The following ODAD2 variants were observed in gnomAD, a reference collection of about 807,000 sequenced individuals.
The protein encoded by ODAD2 is outer dynein arm-docking complex subunit 2.
ODAD2 carries 89 observed loss-of-function variants against 106.8 expected under a neutral mutation model. The observed-to-expected ratio is 0.83, with a 90% confidence interval of 0.70 to 0.99. The LOEUF (loss-of-function observed/expected upper bound fraction) is 0.99, where lower values mean the gene tolerates loss of function less well. ODAD2 is among the 50% of genes least tolerant of loss of function. The pLI is 0.00. For missense variants in ODAD2, 1,168 were observed against 1,238.5 expected (o/e 0.94, Z 0.85); for synonymous variants, 404 against 436.2 (o/e 0.93, Z 0.92).
In ODAD2 at chr10:27,885,775, A is replaced by ATTTTAT. The variant is rs1172907329; in HGVS notation, c.2610+21887_2610+21888insATAAAA. On this transcript the variant is annotated intron_variant, in intron 17 of 19. Coordinates refer to ENST00000305242, the MANE Select transcript of ODAD2 (RefSeq NM_018076.5). The stretch of plus-strand genomic sequence containing the variant: ...AATATATATTTTATATATATTATAT[A>ATTTTAT]AAATATATATTATATATAATATATA... Among the ~76,000 whole-genome samples, 264 of 60,464 alleles carry ATTTTAT rather than the reference A, an allele frequency of 4.4e-3. 9 individuals carry two copies. The highest frequency in any genetic ancestry group is 0.017 in the African/African-American group (256 of 15,444). 39.7% of individuals were successfully genotyped at this position (60,464 alleles called of 152,430 possible).
chr10:27,902,987 C>T (rs1490620748), intron 17 of ODAD2, among the ~76,000 whole-genome samples: 1 of 151,968 alleles, frequency 6.6e-6, no homozygotes, highest in Non-Finnish European at 1.5e-5. Flanking sequence ...CTGGCAGAGA[C>T]ACAACAAAAA....
chr10:27,911,483 G>C (rs1844010256), intron 16 of ODAD2, among the ~76,000 whole-genome samples: 1 of 152,134 alleles, frequency 6.6e-6, no homozygotes, highest in Non-Finnish European at 1.5e-5. Context: ...CTACAGTCTT[G>C]TGAGGGTGAT....
At chr10:27,926,810 G>A (rs1459608908) in intron 16 of ODAD2, among the ~76,000 whole-genome samples, 1 of 151,958 alleles carries the variant, frequency 6.6e-6, no homozygotes, top group Non-Finnish European at 1.5e-5. Context: ...AGAAAATTAT[G>A]GTCCCCAAAA....
intron 10 of ODAD2, among the ~76,000 whole-genome samples, chr10:27,958,537 C>A (rs1266745905): frequency 6.6e-6 from 1 of 152,156 alleles, no homozygotes; most frequent in East Asian, 1.9e-4. Context: ...CGTTGAGAGA[C>A]TTTCCCTCCC....
rs1161146207 is a variant in ODAD2 at position 27,980,185 on chromosome 10, C to T, written c.936+1281G>A. Among the ~76,000 whole-genome samples the T allele has an allele frequency of 2.6e-5, 4 of 151,908 alleles. No individual in the cohort carries two copies. The East Asian group carries it at 7.8e-4, about 29-fold the overall frequency. ...AAATCAACTCAAAAGAGATCAAGGG[C>T]CTAAAGTTAAGAGCTAAAACTATAC... On this transcript the variant is annotated intron_variant, in intron 7 of 19. Coordinates refer to ENST00000305242, the MANE Select transcript of ODAD2 (RefSeq NM_018076.5).
In ODAD2 at chr10:27,832,841, A is replaced by G. The variant is rs955764190; in HGVS notation, c.3022-20216T>C. Among the ~76,000 whole-genome samples the G allele has an allele frequency of 2.0e-5, 3 of 152,216 alleles. No individual in the cohort carries two copies. In the South Asian group the frequency reaches 6.2e-4, roughly 32 times the overall value. Reference sequence around the variant, plus strand: ...GGTTAGAACTAAACATCTCTTTTTCAGCATATCATTTTACTGTGACCTAAG... The same window carrying G: ...GGTTAGAACTAAACATCTCTTTTTCGGCATATCATTTTACTGTGACCTAAG... On this transcript the variant is annotated intron_variant, in intron 19 of 19. Transcript: ENST00000305242.
intron 7 of ODAD2, among the ~76,000 whole-genome samples, chr10:27,973,696 T>C (rs1444173261): frequency 1.3e-5 from 2 of 152,284 alleles, no homozygotes; most frequent in Non-Finnish European, 2.9e-5. Flanking sequence ...CTGATGGCCA[T>C]TTAGGTTGAC....
intron 19 of ODAD2, among the ~76,000 whole-genome samples, chr10:27,857,097 A>G (rs1295302187): frequency 6.6e-6 from 1 of 152,192 alleles, no homozygotes; most frequent in East Asian, 1.9e-4. Context: ...GCACGAGTCC[A>G]CTTATATGTG....
intron 17 of ODAD2, among the ~76,000 whole-genome samples, chr10:27,882,650 C>A (rs1382853403): frequency 6.6e-6 from 1 of 152,150 alleles, no homozygotes; most frequent in African/African-American, 2.4e-5. Context: ...TTTTAACTTT[C>A]TCTATTCCAA....
At chr10:27,859,394 C>A (rs972884843) in intron 19 of ODAD2, among the ~76,000 whole-genome samples, 5 of 152,252 alleles carry the variant, frequency 3.3e-5, no homozygotes, top group African/African-American at 1.2e-4. Flanking sequence ...AAATTAACAT[C>A]ATATTCTTCT....
At chr10:27,952,601 T>C (rs1185646193) in intron 10 of ODAD2, among the ~76,000 whole-genome samples, 3 of 152,140 alleles carry the variant, frequency 2.0e-5, no homozygotes, top group African/African-American at 4.8e-5. Context: ...CCTGTGTCCA[T>C]GTGTTCTCAT....
chr10:27,842,896 A>G (rs1214271825), intron 19 of ODAD2, among the ~76,000 whole-genome samples: 2 of 152,208 alleles, frequency 1.3e-5, no homozygotes, highest in African/African-American at 4.8e-5. Flanking sequence ...CTCAACATCA[A>G]TCAGTGCTTA....
At chr10:27,895,494 G>GC (rs1280607742) in intron 17 of ODAD2, among the ~76,000 whole-genome samples, 1 of 152,116 alleles carries the variant, frequency 6.6e-6, no homozygotes, top group African/African-American at 2.4e-5. Flanking sequence ...TGCCATGTTG[G>GC]CCAGGCTGGG....
chr10:27,937,705 A>G (rs1181088723), intron 14 of ODAD2, among the ~76,000 whole-genome samples: 1 of 152,132 alleles, frequency 6.6e-6, no homozygotes, highest in Non-Finnish European at 1.5e-5. Context: ...GTCATGTGTC[A>G]CCCATGGAGG....
chr10:27,849,151 C>G (rs865806045), intron 19 of ODAD2, among the ~76,000 whole-genome samples: 7 of 152,164 alleles, frequency 4.6e-5, no homozygotes, highest in African/African-American at 1.4e-4. Flanking sequence ...TGGAACCAAC[C>G]TAAATATTCA....
intron 16 of ODAD2, among the ~76,000 whole-genome samples, chr10:27,911,743 C>T (rs1464463931): frequency 6.6e-6 from 1 of 152,162 alleles, no homozygotes; most frequent in Non-Finnish European, 1.5e-5. Flanking sequence ...TAATTTTGCA[C>T]TCCCTTTTCC....
rs1219027323 is a variant in ODAD2 at position 27,944,434 on chromosome 10, G to C, written c.1534-3C>G. On this transcript the variant is annotated splice_region_variant and splice_polypyrimidine_tract_variant and intron_variant, in intron 11 of 19. Transcript: ENST00000305242. Reference sequence around the variant, plus strand: ...TTCAGTATTTTTAATGAACCAATCTGTGTGAGAAAAAAAAAGATGAGTGGC... The same window carrying C: ...TTCAGTATTTTTAATGAACCAATCTCTGTGAGAAAAAAAAAGATGAGTGGC... 3.1e-6 allele frequency: 5 copies of C among 1,609,750 alleles called. No homozygotes were observed. Among genetic ancestry groups the C allele is most frequent in the African/African-American group, 1.3e-5 (1 of 74,680 alleles).
intron 19 of ODAD2, among the ~76,000 whole-genome samples, chr10:27,818,587 T>G (rs545394877): frequency 6.6e-5 from 10 of 152,338 alleles, no homozygotes; most frequent in Admixed American, 3.3e-4. Context: ...ACTAAGAGCT[T>G]GATTTCCATA....
At chr10:27,983,360 G>A (rs1444156742) in intron 6 of ODAD2, among the ~76,000 whole-genome samples, 2 of 152,192 alleles carry the variant, frequency 1.3e-5, no homozygotes, top group African/African-American at 2.4e-5. Flanking sequence ...AACTCTGTGG[G>A]GACCAGCACA....
Sources: gnomAD v4.1 joint callset for allele counts (sites outside exome capture counted in the v4.1 genomes callset) on GRCh38, gnomAD v4.1.1 for gene constraint, MANE v1.5 for transcripts, NCBI Gene and HGNC (gene_info 2026-07-23, HGNC 2026-07-21) for gene names.